The following ICA1 variants were observed in gnomAD, a reference collection of about 807,000 sequenced individuals.
ICA1 encodes the protein 69 kDa islet cell autoantigen.
Under a neutral mutation model 71.0 loss-of-function variants are expected in ICA1, and 40 were observed. The ratio of observed to expected loss-of-function variants is 0.56; its 90% CI spans 0.44 to 0.73. ICA1 has a LOEUF of 0.73. Among genes scored for constraint, ICA1 ranks in the 30% least tolerant of loss-of-function variants. The probability of loss-of-function intolerance (pLI) is 0.00; values close to 1 mark genes in which losing one functional copy is unlikely to be tolerated. For synonymous variants in ICA1, 207 were observed against 209.5 expected (o/e 0.99, Z 0.10); for missense variants, 578 against 576.5 (o/e 1.00, Z -0.03).
intron 1 of ICA1, among the ~76,000 whole-genome samples, chr7:8,252,033 A>G (rs944736235): frequency 5.3e-5 from 8 of 152,194 alleles, no homozygotes; most frequent in African/African-American, 1.9e-4. Context: ...TAGAAAGATA[A>G]AAATATAAAG....
chr7:8,141,584 T>C (rs1795243141), intron 10 of ICA1, among the ~76,000 whole-genome samples, 181 bp downstream of exon 10: 1 of 152,232 alleles, frequency 6.6e-6, no homozygotes, highest in Admixed American at 6.5e-5. Context: ...TCAGTAATGC[T>C]GTAGGGTTGA....
intron 8 of ICA1, among the ~76,000 whole-genome samples, chr7:8,145,233 AACCTCTCTG>A (rs1796473288): frequency 6.6e-6 from 1 of 152,138 alleles, no homozygotes; most frequent in South Asian, 2.1e-4. Flanking sequence ...TTCTAATATC[AACCTCTCTG>A]ACCAATTTTG....
intron 12 of ICA1, among the ~76,000 whole-genome samples, chr7:8,129,708 T>C (rs548981893): frequency 2.0e-5 from 3 of 152,188 alleles, no homozygotes; most frequent in East Asian, 1.9e-4. Flanking sequence ...TTTTTTAAAA[T>C]TATTATTATT....
rs1248407481 is a variant in ICA1 at position 8,130,515 on chromosome 7, T to C, written c.1061-2373A>G. On this transcript the variant is annotated intron_variant, in intron 12 of 13. Transcript: ENST00000402384. The surrounding 1 kb of genome is among the most constrained non-coding windows in gnomAD (Gnocchi z 4.2). ...GGTAGGACTGGAATGCCCAAACCCT[T>C]TCTTATAGTTTACTTTTTGCCCTGA... 2.0e-5 allele frequency among the ~76,000 whole-genome samples: 3 copies of C among 152,218 alleles called. No individual in the cohort carries two copies. The highest frequency in any genetic ancestry group is 7.2e-5 in the African/African-American group (3 of 41,462).
chr7:8,160,588 T>A (rs1456149828), intron 6 of ICA1, among the ~76,000 whole-genome samples: 2 of 152,206 alleles, frequency 1.3e-5, no homozygotes, highest in African/African-American at 4.8e-5. Flanking sequence ...AATTGGAAAA[T>A]AATGAGGCAG....
intron 8 of ICA1, among the ~76,000 whole-genome samples, chr7:8,153,273 T>C (rs1800258759): frequency 6.6e-6 from 1 of 152,198 alleles, no homozygotes; most frequent in Non-Finnish European, 1.5e-5. Flanking sequence ...AGGAATCCAC[T>C]TTACTACTGG....
intron 6 of ICA1, among the ~76,000 whole-genome samples, chr7:8,199,311 T>C (rs1462011768): frequency 6.6e-6 from 1 of 152,224 alleles, no homozygotes; most frequent in South Asian, 2.1e-4. Flanking sequence ...CTCTTGGCTG[T>C]TCACTACAGC....
chr7:8,218,939 C>A (rs1796205904), intron 5 of ICA1: 2 of 255,532 alleles, frequency 7.8e-6, no homozygotes, highest in Non-Finnish European at 1.5e-5. Context: ...TCTCCAAAGG[C>A]CAAGGCATCT....
intron 7 of ICA1, 42 bp from the exon 8 acceptor site, chr7:8,157,256 C>G (rs771043792): frequency 1.3e-6 from 2 of 1,533,724 alleles, no homozygotes; most frequent in Non-Finnish European, 1.8e-6. Flanking sequence ...TTTGAATGCC[C>G]AGTTCTAGTC....
chr7:8,189,672 G>C lies in ICA1; in HGVS notation c.579+28633C>G, dbSNP rs149983834. Among the ~76,000 whole-genome samples the C allele has an allele frequency of 8.3e-3, 1,263 of 152,148 alleles. 8 individuals are homozygous for C. Among genetic ancestry groups the C allele is most frequent in the South Asian group, 0.042 (204 of 4,814 alleles). On this transcript the variant is annotated intron_variant, in intron 6 of 13. Coordinates refer to ENST00000402384, the MANE Select transcript of ICA1 (RefSeq NM_001136020.3). ...CCAGCGGTAGCTCTGAGGCCTCACT[G>C]AACCCCCAGCTCCGAGCCTGCAGTC...
At position 8,222,600 on chromosome 7, in the gene ICA1, G is replaced by A. The variant is rs922024996; in HGVS notation, c.257-1202C>T. 1.4e-4 allele frequency among the ~76,000 whole-genome samples: 22 copies of A among 152,150 alleles called. 1 individual carries two copies. The highest frequency in any genetic ancestry group is 2.5e-4 in the Non-Finnish European group (17 of 68,036). ...AAATCCAAAGGTGAAGGCTAAACTC[G>A]ATACTGCTACCTTATTAATTTGTGA... is the stretch of plus-strand genomic sequence containing the variant. On this transcript the variant is annotated intron_variant, in intron 4 of 13. Transcript: ENST00000402384. This position sits in a 1 kb window ranked among gnomAD's most constrained non-coding sequence, Gnocchi z 4.8.
chr7:8,189,007 T>C (rs1010520017), intron 6 of ICA1, among the ~76,000 whole-genome samples: 8 of 152,098 alleles, frequency 5.3e-5, no homozygotes, highest in Admixed American at 3.9e-4. Context: ...TCAATTAAAA[T>C]AGAAATCAGG....
Position 8,139,050 on chromosome 7 carries a change from G to C in ICA1, c.956-3C>G, listed in dbSNP as rs769910428. On this transcript the variant is annotated splice_region_variant and splice_polypyrimidine_tract_variant and intron_variant, in intron 10 of 13. Coordinates refer to ENST00000402384, the MANE Select transcript of ICA1 (RefSeq NM_001136020.3). ...TAAAATACTTTTTCCATCTTCAGCT[G>C]TAATATAACATGTGCAACTGGTTAC... The C allele has an allele frequency of 1.3e-4, 212 of 1,611,000 alleles. No homozygotes were observed. The highest frequency in any genetic ancestry group is 1.7e-4 in the Non-Finnish European group (203 of 1,177,430).
chr7:8,194,768 T>C (rs749573612), intron 6 of ICA1, among the ~76,000 whole-genome samples: 16 of 152,182 alleles, frequency 1.1e-4, no homozygotes, highest in Non-Finnish European at 1.8e-4. Context: ...TTTTTTTTTA[T>C]AAAGAATTTT....
At chr7:8,257,209 T>C (rs1295316631) in intron 1 of ICA1, among the ~76,000 whole-genome samples, 4 of 152,262 alleles carry the variant, frequency 2.6e-5, no homozygotes, top group Non-Finnish European at 5.9e-5. Context: ...TCCTTGATAG[T>C]TGTCAGGGTT....
intron 6 of ICA1, among the ~76,000 whole-genome samples, chr7:8,196,940 G>T (rs971214513): frequency 1.3e-5 from 2 of 152,004 alleles, no homozygotes; most frequent in East Asian, 3.9e-4. Context: ...TGTGACACGT[G>T]ACTTTGCTCC....
chr7:8,232,504 A>G, intron 3 of ICA1, 86 bp downstream of exon 3: 1 of 1,148,914 alleles, frequency 8.7e-7, no homozygotes, highest in South Asian at 2.6e-5. Flanking sequence ...TACAAAGCAC[A>G]CCCAGCTCTG....
intron 6 of ICA1, among the ~76,000 whole-genome samples, chr7:8,201,465 A>G (rs542427573): frequency 7.1e-4 from 108 of 152,264 alleles, no homozygotes; most frequent in Non-Finnish European, 8.2e-4. Context: ...TTAAAGACAC[A>G]TGGAGCCCAA....
intron 6 of ICA1, among the ~76,000 whole-genome samples, chr7:8,162,673 A>T (rs1009227019): frequency 6.6e-5 from 10 of 152,026 alleles, no homozygotes; most frequent in African/African-American, 2.4e-4. Flanking sequence ...CCCTTTTAAA[A>T]TTTTCTTCAC....
Sources: allele counts gnomAD v4.1 joint callset (sites outside exome capture counted in the v4.1 genomes callset), GRCh38; gene constraint gnomAD v4.1.1; non-coding constraint Gnocchi (gnomAD v3.1); transcripts MANE v1.5; gene names NCBI Gene and HGNC (gene_info 2026-07-23, HGNC 2026-07-21).